CRELD2: variants seen among roughly 807,000 people sequenced by gnomAD.
CRELD2 encodes CRELD disulfide isomerase 2.
CRELD2 carries 33 observed loss-of-function variants against 48.1 expected under a neutral mutation model. That is an observed-to-expected ratio of 0.69 (90% CI 0.52 to 0.92). The LOEUF (loss-of-function observed/expected upper bound fraction) is 0.92. Ranked by LOEUF, CRELD2 falls within the 40% of genes least tolerant of loss-of-function variation. CRELD2 has a pLI of 0.00. For synonymous variants in CRELD2, 220 were observed against 203.9 expected (o/e 1.08, Z -0.67); for missense variants, 477 against 482.4 (o/e 0.99, Z 0.10).
intron 2 of CRELD2, 116 bp from the exon 3 acceptor site, chr22:49,919,614 T>C (rs1401524943): frequency 1.4e-6 from 1 of 728,012 alleles, no homozygotes; most frequent in Non-Finnish European, 2.3e-6. Flanking sequence ...CCCCTTATTC[T>C]CTGTGCCCGG....
chr22:49,925,371 G>T, intron 8 of CRELD2, 46 bp from the exon 9 acceptor site: 1 of 1,244,860 alleles, frequency 8.0e-7, no homozygotes, highest in South Asian at 1.3e-5. Context: ...TCCGCTGCGC[G>T]TCTGCTGAGC....
intron 8 of CRELD2, 153 bp from the exon 9 acceptor site, chr22:49,925,264 C>T (rs1364796244): frequency 1.2e-5 from 7 of 594,288 alleles, no homozygotes; most frequent in Admixed American, 6.4e-5. Context: ...TCTTCCCTCT[C>T]GAAGCCTTTC....
intron 8 of CRELD2, 162 bp from the exon 9 acceptor site, chr22:49,925,255 C>A (rs971675922): frequency 1.6e-5 from 9 of 552,322 alleles, no homozygotes; most frequent in Non-Finnish European, 2.2e-5. Context: ...ACGTGAAATT[C>A]TTCCCTCTCG....
At chr22:49,923,542 A>C (rs1045293042) in intron 7 of CRELD2, 3 of 646,402 alleles carry the variant, frequency 4.6e-6, no homozygotes, top group Non-Finnish European at 8.5e-6. Flanking sequence ...TGGAGAGCGC[A>C]CCCTGCTGGT....
At position 49,924,349 on chromosome 22, in the gene CRELD2, C is replaced by T. The variant is rs1373282252; in HGVS notation, c.773-11C>T. The T allele has an allele frequency of 3.7e-6, 6 of 1,603,648 alleles. No homozygotes were observed. The highest frequency in any genetic ancestry group is 3.4e-5 in the Admixed American group (2 of 59,558). ...TGCATGTCGGGGTCTGACGCTGGCT[C>T]CCTGTTGCAGAGTGTGACTCCAGCT... is the stretch of plus-strand genomic sequence containing the variant. On this transcript the variant is annotated splice_polypyrimidine_tract_variant and intron_variant, in intron 7 of 9. Coordinates refer to ENST00000328268, the MANE Select transcript of CRELD2 (RefSeq NM_024324.5).
Position 49,922,008 on chromosome 22 carries a change from C to T in CRELD2, c.592+247C>T, listed in dbSNP as rs73443976. 3,317 of 602,142 alleles carry T rather than the reference C, an allele frequency of 5.5e-3. 82 individuals are homozygous for T. The African/African-American group carries it at 0.056, about 10-fold the overall frequency. The allele number at this position is 602,142 out of a possible 1,614,324, so 37.3% of individuals were successfully genotyped here. A position where few individuals can be genotyped will look rare whatever the true frequency, so the allele number is the denominator to read the frequency against. On this transcript the variant is annotated intron_variant, in intron 5 of 9. Coordinates refer to ENST00000328268, the MANE Select transcript of CRELD2 (RefSeq NM_024324.5). ...CTCACCTTTCTCTCTAGTTCAAGGT[C>T]CACCCCGACCTTGAGTTGTGATGGG... is the stretch of plus-strand genomic sequence containing the variant.
At chr22:49,919,042 C>T (rs2060647235) in intron 1 of CRELD2, 144 bp downstream of exon 1, 1 of 862,122 alleles carries the variant, frequency 1.2e-6, no homozygotes, top group African/African-American at 1.7e-5. Flanking sequence ...TCCCCCTCAC[C>T]GTCGATCCAG....
intron 6 of CRELD2, 68 bp from the exon 7 acceptor site, chr22:49,923,166 G>C: frequency 7.7e-7 from 1 of 1,300,770 alleles, no homozygotes; most frequent in Non-Finnish European, 1.0e-6. Flanking sequence ...GTCAGGCCAT[G>C]ATCGGTCCTT....
Position 49,922,851 on chromosome 22 carries a change from GGT to G in CRELD2, c.688+148_688+149del, listed in dbSNP as rs1369399158. On this transcript the variant is annotated intron_variant, in intron 6 of 9. Transcript: ENST00000328268. ...GTGGGGGCGTGAGGTGGGGGCGTGA[GGT>G]GTGGGGCTTGGGGTGTGGGGGGCGT... is the stretch of plus-strand genomic sequence containing the variant. 6.0e-5 allele frequency: 9 copies of G among 150,894 alleles called. 2 individuals carry two copies. The highest frequency in any genetic ancestry group is 3.4e-4 in the African/African-American group (7 of 20,686). 9.3% of individuals were successfully genotyped at this position (150,894 alleles called of 1,614,324 possible).
intron 7 of CRELD2, chr22:49,923,834 C>T (rs868610469): frequency 6.3e-5 from 17 of 267,998 alleles, no homozygotes; most frequent in Admixed American, 1.5e-4. Context: ...ATTTCCAAAT[C>T]GCTCAGTCAA....
intron 4 of CRELD2, chr22:49,921,366 G>T: frequency 1.8e-6 from 1 of 568,174 alleles, no homozygotes; most frequent in Non-Finnish European, 3.1e-6. Context: ...CGTGGCCATA[G>T]TGAAGCCCAG....
At chr22:49,925,593 T>TC in intron 9 of CRELD2, 36 bp downstream of exon 9, 15 of 1,610,598 alleles carry the variant, frequency 9.3e-6, no homozygotes, top group Non-Finnish European at 1.3e-5. Context: ...CAGGCTGCCC[T>TC]CCCCTGGGCC....
At chr22:49,919,204 G>C in intron 1 of CRELD2, 26 bp from the exon 2 acceptor site, 1 of 1,611,156 alleles carries the variant, frequency 6.2e-7, no homozygotes, top group Non-Finnish European at 8.5e-7. Flanking sequence ...GTGGTACCAA[G>C]CACTATGGGC....
At chr22:49,923,688 G>A in intron 7 of CRELD2, 2 of 380,206 alleles carry the variant, frequency 5.3e-6, no homozygotes, top group Non-Finnish European at 9.8e-6. Flanking sequence ...TCACGCTAAT[G>A]ATTTTGGAGC....
chr22:49,919,022 G>A, intron 1 of CRELD2, 124 bp downstream of exon 1: 1 of 900,934 alleles, frequency 1.1e-6, no homozygotes, highest in Non-Finnish European at 1.6e-6. Flanking sequence ...CCCTCACCCT[G>A]GATTCGGGAT....
At chr22:49,924,228 T>G in intron 7 of CRELD2, 132 bp from the exon 8 acceptor site, 1 of 617,054 alleles carries the variant, frequency 1.6e-6, no homozygotes. Flanking sequence ...AGACAGATCG[T>G]TATAAAGTCA....
Position 49,919,008 on chromosome 22 carries a change from GTCCCCCTCACCCTGGATTCGGGA to G in CRELD2, c.129+122_129+144del, listed in dbSNP as rs925449334. 5.3e-5 allele frequency: 54 copies of G among 1,020,310 alleles called. 2 individuals carry two copies. The highest frequency in any genetic ancestry group is 4.3e-4 in the African/African-American group (26 of 60,760). 63.2% of individuals were successfully genotyped at this position (1,020,310 alleles called of 1,614,324 possible). On this transcript the variant is annotated intron_variant, in intron 1 of 9. Coordinates refer to ENST00000328268, the MANE Select transcript of CRELD2 (RefSeq NM_024324.5). ...GGGTCGCCCTCACCCTGGATCCGGG[GTCCCCCTCACCCTGGATTCGGGA>G]TCCCCCTCACCGTCGATCCAGAGTC...
intron 4 of CRELD2, chr22:49,921,378 A>T: frequency 1.7e-6 from 1 of 582,954 alleles, no homozygotes; most frequent in Non-Finnish European, 3.0e-6. Context: ...GAAGCCCAGG[A>T]GCCTGTGGCT....
In CRELD2 at chr22:49,923,241, C is replaced by A; in HGVS notation, c.696C>A (p.Asp232Glu). The A allele has an allele frequency of 6.3e-7, 1 of 1,578,848 alleles. No homozygotes were observed. Among genetic ancestry groups the A allele is most frequent in the Non-Finnish European group, 8.6e-7 (1 of 1,163,328 alleles). Residue 232 changes from aspartate (D) to glutamate (E), a missense_variant, in exon 7 of 10, where the codon GAC (aspartate) becomes GAA (glutamate). Physicochemically the swap from Asp to Glu is conservative, Grantham distance 45. Transcript: ENST00000328268. ...VLDEGACVDVDECAAEPPPCS... is the reference protein window; with the variant it reads ...VLDEGACVDVEECAAEPPPCS... Reference sequence around the variant, plus strand: ...TGTGCCGCTCTGTTCCAGATGTGGACGAGTGTGCGGCCGAGCCGCCTCCCT... The same window carrying A: ...TGTGCCGCTCTGTTCCAGATGTGGAAGAGTGTGCGGCCGAGCCGCCTCCCT...
Sources: allele counts gnomAD v4.1 joint callset, GRCh38; gene constraint gnomAD v4.1.1; transcripts MANE v1.5; gene names NCBI Gene and HGNC (gene_info 2026-07-23, HGNC 2026-07-21).